The following HERC4 variants were observed in gnomAD, a reference collection of about 807,000 sequenced individuals.
HERC4 encodes the protein HECT and RLD domain containing E3 ubiquitin protein ligase 4, also known as probable E3 ubiquitin-protein ligase HERC4.
A neutral mutation model predicts 124.3 loss-of-function variants in HERC4; 28 were observed. The ratio of observed to expected loss-of-function variants is 0.23; its 90% CI spans 0.17 to 0.31. The LOEUF is 0.31. Among genes scored for constraint, HERC4 ranks in the 10% least tolerant of loss-of-function variants. The pLI, the probability that HERC4 is intolerant of heterozygous loss-of-function variation, is 1.00. For synonymous variants in HERC4, 407 were observed against 421.5 expected, an observed-to-expected ratio of 0.97 and a Z score of 0.42; for missense variants, 713 against 1,229.3, an observed-to-expected ratio of 0.58 and a Z score of 6.28.
intron 3 of HERC4, among the ~76,000 whole-genome samples, chr10:68,065,171 T>C (rs1378277862): frequency 6.6e-6 from 1 of 152,068 alleles, no homozygotes; most frequent in Non-Finnish European, 1.5e-5. Context: ...TATATGAATA[T>C]AGAAAAGGTC....
At chr10:68,062,768 T>A (rs2041097410) in intron 3 of HERC4, among the ~76,000 whole-genome samples, 2 of 150,358 alleles carry the variant, frequency 1.3e-5, no homozygotes, top group South Asian at 2.1e-4. Flanking sequence ...TCAAAAAAAA[T>A]AATAAATAAA....
chr10:67,958,992 T>C (rs904915457), intron 16 of HERC4: 9 of 619,526 alleles, frequency 1.5e-5, no homozygotes, highest in Admixed American at 6.5e-5. Context: ...ATGATACATA[T>C]ATATCTATTT....
chr10:68,017,493 A>G (rs777548615), intron 8 of HERC4, among the ~76,000 whole-genome samples: 1 of 152,122 alleles, frequency 6.6e-6, no homozygotes, highest in South Asian at 2.1e-4. Flanking sequence ...TTATTTATTT[A>G]TTTTTTTGAG....
rs577622404 is a variant in HERC4, at chr10:67,967,249, A to G, written c.1807-447T>C. 2.3e-4 allele frequency among the ~76,000 whole-genome samples: 35 copies of G among 152,312 alleles called. 1 individual carries two copies. The highest frequency in any genetic ancestry group is 8.2e-4 in the African/African-American group (34 of 41,570). ...TACAAAAAATAATTACTGAGTGCCT[A>G]CTATATGCAAAATGCTAGTTAAGTG... On this transcript the variant is annotated intron_variant, in intron 15 of 24. Transcript: ENST00000373700.
intron 15 of HERC4, among the ~76,000 whole-genome samples, chr10:67,972,892 AGAT>A (rs1282373416): frequency 5.1e-4 from 77 of 152,346 alleles, no homozygotes; most frequent in African/African-American, 1.8e-3. Flanking sequence ...ATGCACAGAT[AGAT>A]GATATTATAG....
chr10:67,962,362 T>G (rs1402579665), intron 16 of HERC4, among the ~76,000 whole-genome samples: 1 of 152,166 alleles, frequency 6.6e-6, no homozygotes, highest in Non-Finnish European at 1.5e-5. Context: ...TTATCTTTTT[T>G]ACTACTACAT....
intron 15 of HERC4, 64 bp from the exon 16 acceptor site, chr10:67,966,866 A>AT: frequency 1.5e-6 from 2 of 1,291,822 alleles, no homozygotes; most frequent in South Asian, 3.2e-5. Context: ...AATTTTTTTT[A>AT]TTTTTTGAGA....
intron 9 of HERC4, chr10:68,010,512 C>T: frequency 2.1e-6 from 2 of 954,250 alleles, no homozygotes; most frequent in Admixed American, 2.0e-5. Flanking sequence ...GGCAATGTGA[C>T]TGATCTGCTG....
intron 23 of HERC4, among the ~76,000 whole-genome samples, chr10:67,931,863 A>C (rs2132035238): frequency 6.6e-6 from 1 of 152,342 alleles, no homozygotes; most frequent in East Asian, 1.9e-4. Flanking sequence ...CCTGGGATCA[A>C]GAGATTCTCC....
In HERC4 at chr10:67,994,909, C is replaced by T. The variant is rs532308281; in HGVS notation, c.1070-2227G>A. 5.2e-5 allele frequency: 9 copies of T among 172,552 alleles called. No individual in the cohort carries two copies. In the South Asian group the frequency reaches 9.0e-4, roughly 17 times the overall value. The allele number at this position is 172,552 out of a possible 1,614,324, so 10.7% of individuals were successfully genotyped here. On this transcript the variant is annotated intron_variant, in intron 9 of 24. Transcript: ENST00000373700. ...TTCACCATTTTGGTCAGGCTGGTCT[C>T]GAACTCCTGACCTCAAGTGATCTGC...
At chr10:68,032,699 A>T in intron 7 of HERC4, 79 bp downstream of exon 7, 1 of 743,226 alleles carries the variant, frequency 1.3e-6, no homozygotes, top group Admixed American at 2.2e-5. Context: ...TTAAAACTTG[A>T]GAAAATACCA....
chr10:67,933,641 C>T (rs1416059404), intron 22 of HERC4, among the ~76,000 whole-genome samples: 1 of 151,916 alleles, frequency 6.6e-6, no homozygotes, highest in Non-Finnish European at 1.5e-5. Context: ...TCTAGAAGGA[C>T]CTAAAATTTT....
intron 16 of HERC4, chr10:67,965,513 G>A (rs2034808643): frequency 6.6e-6 from 1 of 152,194 alleles, no homozygotes; most frequent in South Asian, 2.1e-4. Context: ...AAGTCAATGA[G>A]TCTCTCCCAG....
At chr10:68,065,491 A>G (rs2041255163) in intron 3 of HERC4, among the ~76,000 whole-genome samples, 1 of 152,218 alleles carries the variant, frequency 6.6e-6, no homozygotes, top group Admixed American at 6.5e-5. Flanking sequence ...AAATGAACAC[A>G]AAAGAGTAAA....
rs754154157 is a variant in HERC4 at position 68,014,162 on chromosome 10, A to C, written c.933T>G (p.Pro311=). 4.3e-5 allele frequency: 70 copies of C among 1,612,028 alleles called. No homozygotes were observed. Among genetic ancestry groups the C allele is most frequent in the Non-Finnish European group, 5.9e-5 (69 of 1,179,254 alleles). Residue 311 remains proline (P), a synonymous_variant, in exon 9 of 25, where the codon CCT becomes CCG. Coordinates refer to ENST00000373700, the MANE Select transcript of HERC4 (RefSeq NM_015601.4). ...CAAAAGAGTAAATTCGTCCTGATGA[A>C]GGAACAAAAGCAGAAGTGTGCTGCC... ...CGRQHTSAFV[P]SSGRIYSFGL...
intron 7 of HERC4, among the ~76,000 whole-genome samples, chr10:68,027,178 C>A (rs2038946726): frequency 6.6e-6 from 1 of 152,196 alleles, no homozygotes; most frequent in South Asian, 2.1e-4. Context: ...CTGCTTTCAT[C>A]ATTTAATAGC....
chr10:67,991,005 G>A lies in HERC4; in HGVS notation c.1342C>T (p.His448Tyr). Residue 448 changes from histidine (H) to tyrosine (Y), a missense_variant, in exon 13 of 25, where the codon CAC (histidine) becomes TAC (tyrosine). Transcript: ENST00000373700. ...GAAAATCTGGTACCTGTTCTATAGTGATCATCATTGCTAAAAAACAGAAAA... is the reference window on the plus strand; with the variant it reads ...GAAAATCTGGTACCTGTTCTATAGTAATCATCATTGCTAAAAAACAGAAAA... ...GSFLAVSNDD[H>Y]YRTGTRFSGV... The A allele has an allele frequency of 6.7e-7, 1 of 1,483,178 alleles. No individual in the cohort carries two copies. 91.9% of individuals were successfully genotyped at this position (1,483,178 alleles called of 1,614,324 possible).
At chr10:67,996,321 C>G (rs1007428914) in intron 9 of HERC4, among the ~76,000 whole-genome samples, 5 of 151,964 alleles carry the variant, frequency 3.3e-5, no homozygotes, top group South Asian at 4.2e-4. Context: ...AGACACCCCC[C>G]CTGCCCCACA....
Position 68,044,456 on chromosome 10 carries a change from A to T in HERC4, c.334T>A (p.Ser112Thr), listed in dbSNP as rs1273317191. 6.2e-7 allele frequency: 1 copy of T among 1,614,158 alleles called. No homozygotes were observed. Among genetic ancestry groups the T allele is most frequent in the South Asian group, 1.1e-5 (1 of 91,088 alleles). The change falls in exon 4 of 25, where the codon TCT becomes ACT. Residue 112 changes from serine (S) to threonine (T), a missense_variant. By Grantham distance (58) the Ser-to-Thr change is moderately conservative. Transcript: ENST00000373700. ...CCTACCAGGCCAAGCTGTCCATCAG[A>T]ATCGAGACCCCAAGCATACACCTGG... ...KGQVYAWGLD[S>T]DGQLGLVGSE...
Sources: gnomAD v4.1 joint callset for allele counts (sites outside exome capture counted in the v4.1 genomes callset) on GRCh38, gnomAD v4.1.1 for gene constraint, MANE v1.5 for transcripts, NCBI Gene and HGNC (gene_info 2026-07-23, HGNC 2026-07-21) for gene names.